CYBB: variants seen among roughly 807,000 people sequenced by gnomAD.
The protein encoded by CYBB is NADPH oxidase 2.
A neutral mutation model predicts 46.5 loss-of-function variants in CYBB; 5 were observed. That is an observed-to-expected ratio of 0.11 (90% CI 0.06 to 0.23). The LOEUF (loss-of-function observed/expected upper bound fraction) is 0.23, where lower values mean the gene tolerates loss of function less well. Among genes scored for constraint, CYBB ranks in the 10% least tolerant of loss-of-function variants. The pLI, the probability that CYBB is intolerant of heterozygous loss-of-function variation, is 1.00. For synonymous variants in CYBB, 183 were observed against 156.7 expected (o/e 1.17, Z -1.26); for missense variants, 307 against 428.3 (o/e 0.72, Z 2.50).
intron 7 of CYBB, among the ~76,000 whole-genome samples, chrX:37,799,597 C>T (rs1224384246): frequency 5.4e-5 from 6 of 111,870 alleles, no homozygotes; most frequent in Admixed American, 9.5e-5. Context: ...GGAGGCTGGA[C>T]GGCGAGGTTC....
chrX:37,810,238 T>C (rs1929642700), intron 12 of CYBB, among the ~76,000 whole-genome samples: 1 of 111,966 alleles, frequency 8.9e-6, no homozygotes, highest in Non-Finnish European at 1.9e-5. Context: ...GACTATTGCT[T>C]TTTGCACTGT....
intron 4 of CYBB, among the ~76,000 whole-genome samples, chrX:37,792,637 G>T (rs1018640247): frequency 3.6e-5 from 4 of 110,685 alleles, no homozygotes; most frequent in African/African-American, 1.3e-4. Context: ...GGCTGTATTT[G>T]GGACCCTTAT....
chrX:37,803,755 G>T, intron 8 of CYBB, 122 bp from the exon 9 acceptor site: 2 of 679,418 alleles, frequency 2.9e-6, no homozygotes, highest in Non-Finnish European at 4.7e-6. Context: ...AGGAACTCCT[G>T]TGTTGTCCCT....
At position 37,780,121 on chromosome X, in the gene CYBB, T is replaced by C. The variant is rs1928917046; in HGVS notation, c.44T>C (p.Ile15Thr). 8.3e-7 allele frequency: 1 copy of C among 1,201,320 alleles called. No individual in the cohort carries two copies. Among genetic ancestry groups the C allele is most frequent in the East Asian group, 3.0e-5 (1 of 33,781 alleles). ...AVNEGLSIFV[I>T]LVWLGLNVFL... ...AATGAGGGGCTCTCCATTTTTGTCA[T>C]TGTAAGTACCAACAAGAGATAAGTT... Residue 15 changes from isoleucine to threonine, a missense_variant and splice_region_variant, in exon 1 of 13, where the codon ATT becomes ACT. By Grantham distance (89) the Ile-to-Thr change is moderately conservative. This residue lies in a region of CYBB where 103 missense variants were observed against 150.2 expected (regional missense o/e 0.69). Transcript: ENST00000378588.
chrX:37,780,716 TTA>T, intron 1 of CYBB, among the ~76,000 whole-genome samples: 1 of 106,459 alleles, frequency 9.4e-6, no homozygotes, highest in East Asian at 2.8e-4. Context: ...GTATGTATAT[TTA>T]TATATAATTG....
chrX:37,780,271 A>T (rs1928921779), intron 1 of CYBB, 149 bp downstream of exon 1: 1 of 497,537 alleles, frequency 2.0e-6, no homozygotes, highest in Non-Finnish European at 3.4e-6. Flanking sequence ...AAACAGACTG[A>T]GTCCATTCTT....
intron 6 of CYBB, among the ~76,000 whole-genome samples, chrX:37,797,669 G>A (rs1348347535): frequency 3.6e-5 from 4 of 111,809 alleles, no homozygotes; most frequent in African/African-American, 1.3e-4. Flanking sequence ...TTTGTGTCTG[G>A]CATTTTTTAT....
intron 4 of CYBB, among the ~76,000 whole-genome samples, chrX:37,792,311 T>A (rs1198512050): frequency 9.0e-6 from 1 of 111,416 alleles, no homozygotes; most frequent in African/African-American, 3.3e-5. Context: ...ATCAGAAAAG[T>A]CAATCCTAGT....
intron 6 of CYBB, among the ~76,000 whole-genome samples, chrX:37,797,151 G>A (rs964031395): frequency 9.9e-5 from 11 of 111,073 alleles, no homozygotes; most frequent in Non-Finnish European, 1.9e-4. Context: ...GGGGAAGGGT[G>A]GGGAAAGCTG....
intron 5 of CYBB, 35 bp from the exon 6 acceptor site, chrX:37,795,890 ATGTGTGTGTGTGTGTGTGTGTGTGTG>A (rs57325016): frequency 3.3e-6 from 2 of 602,499 alleles, no homozygotes; most frequent in African/African-American, 2.3e-5. Context: ...GCTTGCGCAC[ATGTGTGTGTGTGTGTGTGTGTGTGTG>A]TGTGTGTGTG....
At chrX:37,789,526 A>AAAAT (rs59209229) in intron 3 of CYBB, among the ~76,000 whole-genome samples, 4,458 of 104,254 alleles carry the variant, frequency 0.043, 262 homozygotes, top group African/African-American at 0.14. Flanking sequence ...AGAAAGAAAG[A>AAAAT]AAATAAATAA....
rs34571491 is a variant in CYBB, at chrX:37,806,729, C to G, written c.1461+196C>G. ...TCAGATTAGAATCAAAGCCAAGGAG[C>G]CTGTGAGGGAATAAAAGCCATCACT... On this transcript the variant is annotated intron_variant, in intron 11 of 12. Coordinates refer to ENST00000378588, the MANE Select transcript of CYBB (RefSeq NM_000397.4). 6.9e-3 allele frequency among the ~76,000 whole-genome samples: 765 copies of G among 111,632 alleles called. 4 individuals are homozygous for G. The highest frequency in any genetic ancestry group is 0.024 in the African/African-American group (737 of 30,673).
intron 9 of CYBB, among the ~76,000 whole-genome samples, chrX:37,804,334 G>T (rs1929507847): frequency 9.0e-6 from 1 of 111,603 alleles, no homozygotes; most frequent in Admixed American, 9.5e-5. Context: ...TGAAAACCTT[G>T]AATCAAATAT....
intron 8 of CYBB, among the ~76,000 whole-genome samples, chrX:37,803,355 T>A (rs1929485175): frequency 1.8e-5 from 2 of 111,077 alleles, no homozygotes; most frequent in East Asian, 2.9e-4. Context: ...ATAGGAAGGC[T>A]GAGCAGGAAA....
At chrX:37,801,157 A>G in intron 7 of CYBB, 99 bp from the exon 8 acceptor site, 1 of 581,405 alleles carries the variant, frequency 1.7e-6, no homozygotes, top group East Asian at 3.3e-5. Flanking sequence ...AAGCAAGCCT[A>G]CAAAGATTAA....
intron 3 of CYBB, 80 bp downstream of exon 3, chrX:37,783,680 T>C (rs1929002375): frequency 3.2e-6 from 2 of 620,827 alleles, no homozygotes; most frequent in East Asian, 3.4e-5. Flanking sequence ...TAAAAACAAA[T>C]GAATGATTTG....
In CYBB at chrX:37,780,083, G is replaced by C. The variant is rs372462475; in HGVS notation, c.6G>C (p.Gly2=). 3.1e-5 allele frequency: 38 copies of C among 1,208,330 alleles called. No homozygotes were observed. The African/African-American group carries it at 5.4e-4, about 17-fold the overall frequency. Residue 2 remains glycine (G), a synonymous_variant, in exon 1 of 13, where the codon GGG becomes GGC. Transcript: ENST00000378588. ...CACATTCAACCTCTGCCACCATGGGGAACTGGGCTGTGAATGAGGGGCTCT... is the reference window on the plus strand; with the variant it reads ...CACATTCAACCTCTGCCACCATGGGCAACTGGGCTGTGAATGAGGGGCTCT... M[G]NWAVNEGLSI...
chrX:37,787,840 T>C (rs1556465867), intron 3 of CYBB, among the ~76,000 whole-genome samples: 1 of 111,428 alleles, frequency 9.0e-6, no homozygotes, highest in Non-Finnish European at 1.9e-5. Context: ...TCAGCATGAC[T>C]TGTGGCTTCT....
At chrX:37,782,848 A>C (rs1018655400) in intron 2 of CYBB, among the ~76,000 whole-genome samples, 3 of 111,684 alleles carry the variant, frequency 2.7e-5, no homozygotes, top group Non-Finnish European at 5.6e-5. Context: ...AAATAATTTT[A>C]GCATATAATT....
Sources: gnomAD v4.1 joint callset for allele counts (sites outside exome capture counted in the v4.1 genomes callset) on GRCh38, gnomAD v4.1.1 for gene constraint, gnomAD v4.1.1 regional missense constraint, MANE v1.5 for transcripts, NCBI Gene and HGNC (gene_info 2026-07-23, HGNC 2026-07-21) for gene names.